The following MYLK variants were observed in gnomAD, a reference collection of about 807,000 sequenced individuals.
MYLK encodes myosin light chain kinase, also known as myosin light chain kinase, smooth muscle.
A neutral mutation model predicts 203.4 loss-of-function variants in MYLK; 106 were observed. That is an observed-to-expected ratio of 0.52 (90% CI 0.45 to 0.61). MYLK has a LOEUF of 0.61. MYLK is among the 20% of genes least tolerant of loss of function. MYLK has a pLI of 0.00. For synonymous variants in MYLK, 867 were observed against 959.5 expected, an observed-to-expected ratio of 0.90 and a Z score of 1.78; for missense variants, 2,072 against 2,442.3, an observed-to-expected ratio of 0.85 and a Z score of 3.20.
rs2108198278 is a variant in MYLK at position 123,649,053 on chromosome 3, G to A, written c.4333C>T (p.Pro1445Ser). The A allele has an allele frequency of 6.2e-7, 1 of 1,614,152 alleles. No homozygotes were observed. Among genetic ancestry groups the A allele is most frequent in the Non-Finnish European group, 8.5e-7 (1 of 1,180,022 alleles). The change falls in exon 26 of 34, where the codon CCC (proline) becomes TCC (serine). Residue 1445 changes from proline to serine, a missense_variant. Physicochemically the swap from Pro to Ser is moderately conservative, Grantham distance 74 (BLOSUM62 -1). Around this residue, in one of 3 missense-constraint regions of MYLK, gnomAD observed 524 missense variants for 782.4 expected, o/e 0.67. Coordinates refer to ENST00000360304, the MANE Select transcript of MYLK (RefSeq NM_053025.4). ...GTCACTGTCCGGTAATCAACCTCGG[G>A]CTCCTTCTCATCTGTGGGGCACAGG... ...VEVSDDDEKEPEVDYRTVTIN... is the reference protein window; with the variant it reads ...VEVSDDDEKESEVDYRTVTIN...
At chr3:123,765,616 G>C (rs2063679573) in intron 4 of MYLK, among the ~76,000 whole-genome samples, 1 of 151,754 alleles carries the variant, frequency 6.6e-6, no homozygotes, top group South Asian at 2.1e-4. Flanking sequence ...ACAACATCCA[G>C]ATAGTGGAAG....
At chr3:123,740,026 C>A in intron 5 of MYLK, 25 bp from the exon 6 acceptor site, 1 of 1,613,382 alleles carries the variant, frequency 6.2e-7, no homozygotes, top group South Asian at 1.1e-5. Context: ...GTTGATGAGT[C>A]AGGTCTGAGC....
chr3:123,719,106 C>T (rs3966018), intron 13 of MYLK, among the ~76,000 whole-genome samples: 2 of 152,210 alleles, frequency 1.3e-5, no homozygotes, highest in Admixed American at 1.3e-4. Flanking sequence ...GAAATCGCGT[C>T]TGAGGGCTGC....
intron 12 of MYLK, among the ~76,000 whole-genome samples, chr3:123,724,437 T>C (rs1327996306): frequency 6.6e-6 from 1 of 152,176 alleles, no homozygotes; most frequent in African/African-American, 2.4e-5. Flanking sequence ...ACGCCCATAT[T>C]GCATTCCAGC....
chr3:123,617,896 G>C (rs1311642441), intron 33 of MYLK: 1 of 152,540 alleles, frequency 6.6e-6, no homozygotes, highest in East Asian at 1.9e-4. Flanking sequence ...CCACTGACAG[G>C]TCTGTGGCTG....
intron 16 of MYLK, among the ~76,000 whole-genome samples, 194 bp downstream of exon 16, chr3:123,707,560 G>A (rs879342241): frequency 3.9e-5 from 6 of 152,348 alleles, no homozygotes; most frequent in Admixed American, 1.3e-4. Context: ...AAAAGGGAAA[G>A]TTCTAATGAA....
intron 4 of MYLK, among the ~76,000 whole-genome samples, chr3:123,791,508 GT>G (rs1436886665): frequency 6.6e-6 from 1 of 152,174 alleles, no homozygotes; most frequent in East Asian, 1.9e-4. Context: ...TTCTTCTACA[GT>G]CTCTCCCTCT....
In MYLK at chr3:123,610,082, G is replaced by A. The variant is rs1227839206; in HGVS notation, c.*4023C>T. 1 of 152,288 alleles carries A rather than the reference G, an allele frequency of 6.6e-6. No individual in the cohort carries two copies. The highest frequency in any genetic ancestry group is 1.9e-4 in the East Asian group (1 of 5,196). 9.4% of individuals were successfully genotyped at this position (152,288 alleles called of 1,614,324 possible). Reference sequence around the variant, plus strand: ...CGAGACTATATTATCCAATACAATTGATGAAACTATAGACCATACTCTCTA... The same window carrying A: ...CGAGACTATATTATCCAATACAATTAATGAAACTATAGACCATACTCTCTA... On this transcript the variant is annotated 3_prime_UTR_variant, in exon 34 of 34. Transcript: ENST00000360304.
intron 2 of MYLK, among the ~76,000 whole-genome samples, chr3:123,836,903 C>T (rs1447278363): frequency 6.6e-6 from 1 of 152,212 alleles, no homozygotes; most frequent in Non-Finnish European, 1.5e-5. Flanking sequence ...TTACAAAACA[C>T]ATGGAAACAT....
At chr3:123,837,249 C>G (rs1259654449) in intron 2 of MYLK, among the ~76,000 whole-genome samples, 2 of 152,070 alleles carry the variant, frequency 1.3e-5, no homozygotes, top group African/African-American at 4.8e-5. Context: ...TCAGGCTGGT[C>G]TCAAACTCCT....
chr3:123,656,717 C>T (rs975967664), intron 24 of MYLK, among the ~76,000 whole-genome samples: 1 of 152,168 alleles, frequency 6.6e-6, no homozygotes, highest in Non-Finnish European at 1.5e-5. Flanking sequence ...GCCATACACA[C>T]CTCTCTTCCT....
intron 19 of MYLK, among the ~76,000 whole-genome samples, chr3:123,683,466 G>A (rs2060341205): frequency 6.6e-6 from 1 of 152,100 alleles, no homozygotes; most frequent in Non-Finnish European, 1.5e-5. Context: ...CTGGGGGCTG[G>A]GAACATACTT....
chr3:123,673,954 T>G (rs2059996538), intron 20 of MYLK, among the ~76,000 whole-genome samples: 1 of 152,154 alleles, frequency 6.6e-6, no homozygotes, highest in Non-Finnish European at 1.5e-5. Flanking sequence ...ACATCCTTCC[T>G]GGTAGAGCAC....
chr3:123,768,502 T>G (rs933802365), intron 4 of MYLK, among the ~76,000 whole-genome samples: 2 of 152,122 alleles, frequency 1.3e-5, no homozygotes. Flanking sequence ...CAAAGACCCC[T>G]AACACCATGC....
At chr3:123,619,913 C>A (rs1434331763) in intron 32 of MYLK, among the ~76,000 whole-genome samples, 1 of 152,136 alleles carries the variant, frequency 6.6e-6, no homozygotes, top group East Asian at 1.9e-4. Context: ...GATTTTAATA[C>A]AATCTTTGTT....
At chr3:123,735,225 G>A (rs1002175327) in intron 9 of MYLK, 173 bp downstream of exon 9, 8 of 863,280 alleles carry the variant, frequency 9.3e-6, no homozygotes, top group Non-Finnish European at 1.6e-5. Flanking sequence ...TAGAACCCGT[G>A]TGTCATATTA....
At chr3:123,759,536 C>G (rs2063468165) in intron 4 of MYLK, among the ~76,000 whole-genome samples, 1 of 152,238 alleles carries the variant, frequency 6.6e-6, no homozygotes, top group African/African-American at 2.4e-5. Flanking sequence ...GTGTAAGCAG[C>G]ATTCCTCTCC....
intron 20 of MYLK, among the ~76,000 whole-genome samples, chr3:123,675,511 C>T (rs527587959): frequency 4.3e-4 from 66 of 152,206 alleles, no homozygotes; most frequent in African/African-American, 1.4e-3. Flanking sequence ...AGGTGCAGAG[C>T]CTGAAGGTGG....
intron 13 of MYLK, among the ~76,000 whole-genome samples, chr3:123,714,662 G>A (rs1180078163): frequency 1.1e-4 from 17 of 152,204 alleles, no homozygotes; most frequent in Non-Finnish European, 1.9e-4. Context: ...TGCTGAGACT[G>A]AGCCCAGAGA....
Sources: allele counts gnomAD v4.1 joint callset (sites outside exome capture counted in the v4.1 genomes callset), GRCh38; gene constraint gnomAD v4.1.1; regional missense constraint gnomAD v4.1.1; transcripts MANE v1.5; gene names NCBI Gene and HGNC (gene_info 2026-07-23, HGNC 2026-07-21).